The following NUP188 variants were observed in gnomAD, a reference collection of about 807,000 sequenced individuals.
NUP188 encodes the protein nucleoporin NUP188.
A neutral mutation model predicts 223.0 loss-of-function variants in NUP188; 97 were observed. The observed-to-expected ratio is 0.43, with a 90% CI of 0.37 to 0.51. The LOEUF is 0.51. NUP188 is among the 20% of genes least tolerant of loss of function. The pLI is 0.00. For missense variants in NUP188, 1,947 were observed against 2,175.6 expected (o/e 0.89, Z 2.09); for synonymous variants, 869 against 828.0 (o/e 1.05, Z -0.85).
At chr9:129,004,251 C>G (rs1388141377) in intron 38 of NUP188, among the ~76,000 whole-genome samples, 1 of 150,242 alleles carries the variant, frequency 6.7e-6, no homozygotes, top group African/African-American at 2.4e-5. Flanking sequence ...CCACTGCACT[C>G]CAGCCTGGTG....
chr9:128,963,824 T>A (rs906451402), intron 8 of NUP188, among the ~76,000 whole-genome samples: 4 of 151,462 alleles, frequency 2.6e-5, no homozygotes, highest in South Asian at 2.1e-4. Flanking sequence ...GTTTTTTTTT[T>A]TTTTATTTTT....
intron 35 of NUP188, 75 bp from the exon 36 acceptor site, chr9:129,001,809 A>C (rs1247680244): frequency 1.9e-6 from 3 of 1,593,166 alleles, no homozygotes; most frequent in African/African-American, 2.7e-5. Flanking sequence ...GCTGTGATCT[A>C]GCCTGAGAGC....
At position 128,982,946 on chromosome 9, in the gene NUP188, G is replaced by C; in HGVS notation, c.1714G>C (p.Val572Leu). Residue 572 changes from valine (V) to leucine (L), a missense_variant, in exon 17 of 44, where the codon GTC becomes CTC. Val to Leu is a conservative substitution (Grantham distance 32). Coordinates refer to ENST00000372577, the MANE Select transcript of NUP188 (RefSeq NM_015354.3). Reference sequence around the variant, plus strand: ...GCGAGTCAAACCCATCATTGATCTCGTCCATAAGGTCATCAGTACAGACCT... The same window carrying C: ...GCGAGTCAAACCCATCATTGATCTCCTCCATAAGGTCATCAGTACAGACCT... ...CQRVKPIIDL[V>L]HKVISTDLSI... The C allele has an allele frequency of 6.2e-7, 1 of 1,614,082 alleles. No homozygotes were observed. Among genetic ancestry groups the C allele is most frequent in the South Asian group, 1.1e-5 (1 of 91,082 alleles).
intron 29 of NUP188, 135 bp downstream of exon 29, chr9:128,995,058 G>A (rs1564564695): frequency 1.3e-5 from 9 of 716,738 alleles, no homozygotes; most frequent in Non-Finnish European, 2.2e-5. Context: ...GAAGGCCAGT[G>A]AGCTGTGTTC....
Position 128,986,596 on chromosome 9 carries a change from C to T in NUP188, c.2115C>T (p.Pro705=), listed in dbSNP as rs1842336902. The T allele has an allele frequency of 1.9e-6, 3 of 1,614,116 alleles. No individual in the cohort carries two copies. The highest frequency in any genetic ancestry group is 2.5e-6 in the Non-Finnish European group (3 of 1,179,998). ...GTACCCAGAGCCAAGGACTTGTACCCTGTGTAATGTTTGTGCTGAAGGAGA... is the reference window on the plus strand; with the variant it reads ...GTACCCAGAGCCAAGGACTTGTACCTTGTGTAATGTTTGTGCTGAAGGAGA... ...LGSTQSQGLV[P]CVMFVLKEML... The change falls in exon 21 of 44, where the codon CCC becomes CCT. Residue 705 remains proline, a synonymous_variant. Coordinates refer to ENST00000372577, the MANE Select transcript of NUP188 (RefSeq NM_015354.3).
At chr9:128,990,456 G>A (rs1218416539) in intron 25 of NUP188, among the ~76,000 whole-genome samples, 4 of 152,090 alleles carry the variant, frequency 2.6e-5, no homozygotes, top group African/African-American at 7.2e-5. Flanking sequence ...GGCTGCGTGC[G>A]GTGGCTCATG....
chr9:128,959,951 CT>C (rs1185732475), intron 8 of NUP188, among the ~76,000 whole-genome samples: 1 of 151,250 alleles, frequency 6.6e-6, no homozygotes, highest in Non-Finnish European at 1.5e-5. Flanking sequence ...CATTAGTTTA[CT>C]TTCATTTCTT....
At chr9:128,955,850 A>G (rs990632297) in intron 3 of NUP188, among the ~76,000 whole-genome samples, 18 of 151,798 alleles carry the variant, frequency 1.2e-4, no homozygotes, top group African/African-American at 4.1e-4. Context: ...CTGCTGTTGG[A>G]GTATTATAAA....
At chr9:128,954,139 C>A (rs10988164) in intron 3 of NUP188, among the ~76,000 whole-genome samples, 2 of 151,616 alleles carry the variant, frequency 1.3e-5, no homozygotes, top group Admixed American at 6.6e-5. Flanking sequence ...CTATTGTTTT[C>A]TTTACTATCT....
chr9:128,968,349 G>C (rs1160597963), intron 8 of NUP188, among the ~76,000 whole-genome samples, 157 bp from the exon 9 acceptor site: 2 of 152,188 alleles, frequency 1.3e-5, no homozygotes, highest in African/African-American at 4.8e-5. Flanking sequence ...GCTGAGGTAG[G>C]AGGATCAGTT....
At chr9:129,006,023 T>C (rs1441132630) in intron 41 of NUP188, 27 bp from the exon 42 acceptor site, 1 of 1,613,544 alleles carries the variant, frequency 6.2e-7, no homozygotes, top group Non-Finnish European at 8.5e-7. Context: ...CCTGTTGTCT[T>C]AGTTTTTTAC....
intron 2 of NUP188, among the ~76,000 whole-genome samples, chr9:128,949,546 G>A (rs1287048242): frequency 6.6e-6 from 1 of 151,962 alleles, no homozygotes; most frequent in Non-Finnish European, 1.5e-5. Flanking sequence ...TGGTCAGGCT[G>A]GTCTCCAACT....
chr9:128,991,746 G>A (rs1346763947), intron 25 of NUP188, among the ~76,000 whole-genome samples: 1 of 149,886 alleles, frequency 6.7e-6, no homozygotes, highest in Non-Finnish European at 1.5e-5. Context: ...AGTAGGCTGA[G>A]GCAGGAGAAT....
chr9:128,976,185 A>C (rs1011709485), intron 12 of NUP188, among the ~76,000 whole-genome samples: 1 of 152,184 alleles, frequency 6.6e-6, no homozygotes, highest in African/African-American at 2.4e-5. Context: ...TTCTTGTGTA[A>C]GACCTGAAAT....
At chr9:128,958,959 T>C (rs1841907782) in intron 7 of NUP188, 56 bp from the exon 8 acceptor site, 1 of 1,394,010 alleles carries the variant, frequency 7.2e-7, no homozygotes, top group South Asian at 1.4e-5. Flanking sequence ...TATTAATATT[T>C]ATTTGAATAT....
chr9:128,954,447 C>G (rs1241619497), intron 3 of NUP188, among the ~76,000 whole-genome samples: 2 of 149,068 alleles, frequency 1.3e-5, no homozygotes, highest in African/African-American at 5.0e-5. Context: ...TGCAGTGGCA[C>G]GATCTCGGCT....
intron 8 of NUP188, among the ~76,000 whole-genome samples, chr9:128,960,363 G>A (rs7034952): frequency 0.3 from 45,672 of 151,790 alleles, 8,115 homozygotes; most frequent in Admixed American, 0.39. Context: ...GAGCCACCGC[G>A]CCTGGCTATT....
At chr9:128,988,621 C>A (rs868729106) in intron 24 of NUP188, among the ~76,000 whole-genome samples, 4 of 150,756 alleles carry the variant, frequency 2.7e-5, no homozygotes, top group African/African-American at 9.7e-5. Flanking sequence ...TTGCAGTATA[C>A]TTACCAGTTT....
intron 5 of NUP188, 57 bp downstream of exon 5, chr9:128,957,089 T>G: frequency 7.9e-7 from 1 of 1,260,146 alleles, no homozygotes; most frequent in Non-Finnish European, 1.1e-6. Flanking sequence ...CCTGTTGGTT[T>G]TAGATAATGT....
Sources: allele counts gnomAD v4.1 joint callset (sites outside exome capture counted in the v4.1 genomes callset), GRCh38; gene constraint gnomAD v4.1.1; transcripts MANE v1.5; gene names NCBI Gene and HGNC (gene_info 2026-07-23, HGNC 2026-07-21).